The following NACC2 variants were observed in gnomAD, a reference collection of about 807,000 sequenced individuals.
NACC2 encodes nucleus accumbens-associated protein 2.
Under a neutral mutation model 25.1 loss-of-function variants are expected in NACC2, and 8 were observed. The ratio of observed to expected loss-of-function variants is 0.32; its 90% CI spans 0.19 to 0.57. The LOEUF (loss-of-function observed/expected upper bound fraction) is 0.57, where lower values mean the gene tolerates loss of function less well. Ranked by LOEUF, NACC2 falls within the 20% of genes least tolerant of loss-of-function variation. NACC2 has a pLI of 0.89. For synonymous variants in NACC2, 435 were observed against 294.7 expected (o/e 1.48, Z -4.88); for missense variants, 644 against 650.2 (o/e 0.99, Z 0.10).
At chr9:136,044,400 G>A (rs917864587) in intron 2 of NACC2, among the ~76,000 whole-genome samples, 1 of 152,080 alleles carries the variant, frequency 6.6e-6, no homozygotes, top group Admixed American at 6.5e-5. Flanking sequence ...CTGTGGTCTC[G>A]GCTCCTCGGA....
rs757613602 is a variant in NACC2, at chr9:136,013,289, G to A, written c.1165C>T (p.Leu389=). The change falls in exon 5 of 6, where the codon CTG becomes TTG. Residue 389 remains leucine, a synonymous_variant. Coordinates refer to ENST00000277554, the MANE Select transcript of NACC2 (RefSeq NM_144653.5). The surrounding 1 kb of genome is among the most constrained non-coding windows in gnomAD (Gnocchi z 6.6). ...ATGCCAGTCCCGCAGCTGTTGGCCA[G>A]CGTGTTCCTGGTGGAGGGACCGGAA... ...LLATFFDRNT[L]ANSCGTGIRS... 6.2e-7 allele frequency: 1 copy of A among 1,612,080 alleles called. No homozygotes were observed. The highest frequency in any genetic ancestry group is 2.2e-5 in the East Asian group (1 of 44,862).
chr9:136,037,162 C>A (rs1267531455), intron 2 of NACC2, among the ~76,000 whole-genome samples: 4 of 152,140 alleles, frequency 2.6e-5, no homozygotes, highest in African/African-American at 9.7e-5. Context: ...ATAAATTACA[C>A]AAGGAAAGCT....
At position 136,010,180 on chromosome 9, in the gene NACC2, C is replaced by G. The variant is rs1251533788; in HGVS notation, c.*1336G>C. 6.6e-6 allele frequency: 1 copy of G among 152,540 alleles called. No individual in the cohort carries two copies. Among genetic ancestry groups the G allele is most frequent in the Non-Finnish European group, 1.5e-5 (1 of 68,238 alleles). 9.4% of individuals were successfully genotyped at this position (152,540 alleles called of 1,614,324 possible). A position where few individuals can be genotyped will look rare whatever the true frequency, so the allele number is the denominator to read the frequency against. ...TCCATGGGCCCTTCCTCCACTGTCC[C>G]TGGCCCCCCAACATGATCCCTAACC... On this transcript the variant is annotated 3_prime_UTR_variant, in exon 6 of 6. Transcript: ENST00000277554. The surrounding 1 kb of genome is among the most constrained non-coding windows in gnomAD (Gnocchi z 4.9).
At chr9:136,029,770 C>T (rs1483670697) in intron 2 of NACC2, among the ~76,000 whole-genome samples, 1 of 152,232 alleles carries the variant, frequency 6.6e-6, no homozygotes, top group African/African-American at 2.4e-5. Flanking sequence ...GAGCTGCCCA[C>T]CCCACTGCAG....
chr9:136,052,700 C>T (rs997647868), intron 1 of NACC2, among the ~76,000 whole-genome samples: 205 of 152,300 alleles, frequency 1.3e-3, no homozygotes, highest in Middle Eastern at 3.4e-3. Flanking sequence ...AACCAGGAGC[C>T]GGAAGGGGCA....
rs112611816 is a variant in NACC2 at position 136,057,824 on chromosome 9, G to A, written c.-59-7244C>T. On this transcript the variant is annotated intron_variant, in intron 1 of 5. Coordinates refer to ENST00000277554, the MANE Select transcript of NACC2 (RefSeq NM_144653.5). ...GGCCTGATCATCACCACTGGGGCCG[G>A]GGGTTGTGGAAGCGGTCGGATCCCA... Among the ~76,000 whole-genome samples the A allele has an allele frequency of 7.8e-3, 1,181 of 152,326 alleles. 12 individuals carry two copies. Among genetic ancestry groups the A allele is most frequent in the African/African-American group, 0.027 (1,117 of 41,578 alleles).
At chr9:136,052,001 G>A (rs1440621154) in intron 1 of NACC2, among the ~76,000 whole-genome samples, 3 of 152,148 alleles carry the variant, frequency 2.0e-5, no homozygotes, top group Non-Finnish European at 2.9e-5. Flanking sequence ...CGGCCCTCCC[G>A]GGCAGCGCAC....
At chr9:136,075,989 C>T (rs1007636875) in intron 1 of NACC2, among the ~76,000 whole-genome samples, 11 of 152,286 alleles carry the variant, frequency 7.2e-5, no homozygotes, top group African/African-American at 2.6e-4. Flanking sequence ...GACAAAACTC[C>T]GAGACACCCG....
At position 136,022,289 on chromosome 9, in the gene NACC2, T is replaced by C. The variant is rs763098394; in HGVS notation, c.887-5860A>G. 1.3e-5 allele frequency among the ~76,000 whole-genome samples: 2 copies of C among 152,172 alleles called. No individual in the cohort carries two copies. The highest frequency in any genetic ancestry group is 2.4e-5 in the African/African-American group (1 of 41,444). ...GAGGTAACGGGTGCCCCACATGCAG[T>C]GGGCCTCGGGGAGATGACCACACTC... is the stretch of plus-strand genomic sequence containing the variant. On this transcript the variant is annotated intron_variant, in intron 2 of 5. Transcript: ENST00000277554. This position sits in a 1 kb window ranked among gnomAD's most constrained non-coding sequence, Gnocchi z 4.4.
intron 2 of NACC2, among the ~76,000 whole-genome samples, chr9:136,048,573 G>A (rs986259205): frequency 2.6e-5 from 4 of 152,380 alleles, no homozygotes; most frequent in South Asian, 2.1e-4. Flanking sequence ...TTTAAACCAA[G>A]TGCGGAGTTC....
intron 1 of NACC2, among the ~76,000 whole-genome samples, chr9:136,088,834 G>A (rs1318518329): frequency 6.6e-6 from 1 of 152,172 alleles, no homozygotes; most frequent in Admixed American, 6.5e-5. Flanking sequence ...TCCCACAAAG[G>A]GACCTACCCC....
intron 2 of NACC2, among the ~76,000 whole-genome samples, chr9:136,017,312 C>T (rs2131135434): frequency 6.6e-6 from 1 of 152,312 alleles, no homozygotes; most frequent in African/African-American, 2.4e-5. Flanking sequence ...TGGTGCCACC[C>T]CGAGGTCCCT....
chr9:136,021,063 C>T (rs1369406544), intron 2 of NACC2, among the ~76,000 whole-genome samples: 3 of 152,158 alleles, frequency 2.0e-5, no homozygotes, highest in African/African-American at 7.2e-5. Context: ...TGAAAAACTT[C>T]CGATCTCTGA....
rs1378978057 is a variant in NACC2 at position 136,018,737 on chromosome 9, C to T, written c.887-2308G>A. ...GGGGCAGAGCATCGCAGGATAAGCCCAGAATTACCCGAGTGCTCAGGGAAC... is the reference window on the plus strand; with the variant it reads ...GGGGCAGAGCATCGCAGGATAAGCCTAGAATTACCCGAGTGCTCAGGGAAC... On this transcript the variant is annotated intron_variant, in intron 2 of 5. Coordinates refer to ENST00000277554, the MANE Select transcript of NACC2 (RefSeq NM_144653.5). The surrounding 1 kb of genome is among the most constrained non-coding windows in gnomAD (Gnocchi z 4.4). 6.6e-6 allele frequency among the ~76,000 whole-genome samples: 1 copy of T among 151,948 alleles called. No individual in the cohort carries two copies. Among genetic ancestry groups the T allele is most frequent in the Non-Finnish European group, 1.5e-5 (1 of 67,984 alleles).
chr9:136,062,710 T>C (rs1330631136), intron 1 of NACC2, among the ~76,000 whole-genome samples: 1 of 152,056 alleles, frequency 6.6e-6, no homozygotes, highest in African/African-American at 2.4e-5. Flanking sequence ...AGCCCAGCAG[T>C]TCAAGACTAG....
intron 2 of NACC2, among the ~76,000 whole-genome samples, chr9:136,043,723 C>T (rs1840680749): frequency 6.6e-6 from 1 of 152,222 alleles, no homozygotes; most frequent in Admixed American, 6.5e-5. Flanking sequence ...CCCAGGGTAA[C>T]ATTCTACAGG....
At chr9:136,033,769 C>G (rs1008471623) in intron 2 of NACC2, among the ~76,000 whole-genome samples, 1 of 151,158 alleles carries the variant, frequency 6.6e-6, no homozygotes, top group East Asian at 1.9e-4. Flanking sequence ...TATGAACCCA[C>G]AATTCTTAAT....
chr9:136,076,124 G>T (rs1228252120), intron 1 of NACC2, among the ~76,000 whole-genome samples: 2 of 152,224 alleles, frequency 1.3e-5, no homozygotes, highest in Admixed American at 6.5e-5. Context: ...TTGCAACTCA[G>T]TAGTGATGAC....
intron 2 of NACC2, 73 bp from the exon 3 acceptor site, chr9:136,016,502 C>T (rs1840206113): frequency 1.3e-6 from 2 of 1,575,122 alleles, no homozygotes; most frequent in African/African-American, 1.3e-5. Flanking sequence ...CCCGCCTGCC[C>T]TCCATGCTCC....
Sources: gnomAD v4.1 joint callset for allele counts (sites outside exome capture counted in the v4.1 genomes callset) on GRCh38, gnomAD v4.1.1 for gene constraint, Gnocchi (gnomAD v3.1) non-coding constraint, MANE v1.5 for transcripts, NCBI Gene and HGNC (gene_info 2026-07-23, HGNC 2026-07-21) for gene names.